Variants in IFRD1 observed in about 807,000 individuals in gnomAD.
The protein encoded by IFRD1 is interferon related developmental regulator 1.
IFRD1 carries 35 observed loss-of-function variants against 52.9 expected under a neutral mutation model. The observed-to-expected ratio is 0.66, with a 90% CI of 0.51 to 0.88. IFRD1 has a LOEUF of 0.88. Among genes scored for constraint, IFRD1 ranks in the 40% least tolerant of loss-of-function variants. The probability of loss-of-function intolerance (pLI) is 0.00; values close to 1 mark genes in which losing one functional copy is unlikely to be tolerated. For missense variants in IFRD1, 517 were observed against 550.8 expected, an observed-to-expected ratio of 0.94 and a Z score of 0.61; for synonymous variants, 184 against 188.4, an observed-to-expected ratio of 0.98 and a Z score of 0.19.
upstream of IFRD1, among the ~76,000 whole-genome samples, chr7:112,449,826 T>G (rs1428740167): frequency 3.3e-5 from 4 of 120,306 alleles, no homozygotes; most frequent in East Asian, 2.4e-4. Context: ...TCCCTTTTTT[T>G]GGGGGGGGGG....
chr7:112,438,818 T>TCACC (rs1035106213), intron 1 of IFRD1, among the ~76,000 whole-genome samples: 7 of 152,186 alleles, frequency 4.6e-5, no homozygotes, highest in Non-Finnish European at 8.8e-5. Context: ...GTACCATTAC[T>TCACC]CACCCATCAT....
intron 1 of IFRD1, among the ~76,000 whole-genome samples, chr7:112,435,239 C>T (rs935165476): frequency 2.6e-5 from 4 of 152,192 alleles, no homozygotes; most frequent in African/African-American, 4.8e-5. Flanking sequence ...AAACCACCCG[C>T]GGACAGAACC....
intron 1 of IFRD1, among the ~76,000 whole-genome samples, chr7:112,453,333 G>A (rs1300062119): frequency 6.6e-6 from 1 of 152,124 alleles, no homozygotes; most frequent in Non-Finnish European, 1.5e-5. Context: ...CTAGAAATAA[G>A]TACTTTATGT....
chr7:112,435,621 G>GGGGTGT (rs1554503431), intron 1 of IFRD1: 27 of 108,928 alleles, frequency 2.5e-4, no homozygotes, highest in African/African-American at 8.4e-4. Flanking sequence ...ATCTGCTACA[G>GGGGTGT]GTGTGTGTGT....
At chr7:112,462,240 T>G (rs1232199558) in intron 7 of IFRD1, 30 bp from the exon 8 acceptor site, 5 of 1,608,238 alleles carry the variant, frequency 3.1e-6, no homozygotes, top group Non-Finnish European at 3.4e-6. Context: ...ATTGGTTGTA[T>G]TCACATAGTA....
intron 1 of IFRD1, among the ~76,000 whole-genome samples, chr7:112,454,467 A>T: frequency 6.6e-6 from 1 of 152,214 alleles, no homozygotes; most frequent in East Asian, 1.9e-4. Flanking sequence ...TGCTGGGATT[A>T]TAAGTGTGAG....
intron 5 of IFRD1, among the ~76,000 whole-genome samples, chr7:112,461,077 C>T (rs887789515): frequency 6.6e-6 from 1 of 152,108 alleles, no homozygotes; most frequent in Non-Finnish European, 1.5e-5. Flanking sequence ...TTTTGTTTAG[C>T]CCTTCCCCTC....
At chr7:112,436,697 C>T (rs1794702358) in intron 1 of IFRD1, among the ~76,000 whole-genome samples, 1 of 151,856 alleles carries the variant, frequency 6.6e-6, no homozygotes, top group Non-Finnish European at 1.5e-5. Flanking sequence ...TGAAATCAGG[C>T]AATGCAAATA....
Position 112,468,093 on chromosome 7 carries a change from GAGATGTCCTGAGGGC to G in IFRD1, c.1022_1036del (p.Asp341_Ala345del). 1 of 1,614,060 alleles carries G rather than the reference GAGATGTCCTGAGGGC, an allele frequency of 6.2e-7. No individual in the cohort carries two copies. Among genetic ancestry groups the G allele is most frequent in the Non-Finnish European group, 8.5e-7 (1 of 1,179,958 alleles). On this transcript the variant is annotated inframe_deletion, in exon 9 of 12. Coordinates refer to ENST00000403825, the MANE Select transcript of IFRD1 (RefSeq NM_001550.4). ...AAGAGAAAGCAGCGGTCAGTTTTCA[GAGATGTCCTGAGGGC>G]AGTGGAGGTAGGCTTCTTAAATGCT...
intron 8 of IFRD1, among the ~76,000 whole-genome samples, chr7:112,463,678 C>T (rs1473387972): frequency 6.6e-6 from 1 of 152,000 alleles, no homozygotes; most frequent in Admixed American, 6.6e-5. Flanking sequence ...TCTTACATTC[C>T]TCTACTGGCC....
At chr7:112,440,898 C>T (rs768322990) in intron 1 of IFRD1, among the ~76,000 whole-genome samples, 2 of 152,094 alleles carry the variant, frequency 1.3e-5, no homozygotes, top group African/African-American at 2.4e-5. Flanking sequence ...TACTTTGGGA[C>T]GCCAAGGTGG....
At position 112,450,779 on chromosome 7, in the gene IFRD1, G is replaced by A. The variant is rs773558311; in HGVS notation, c.91G>A (p.Ala31Thr). The change falls in exon 1 of 12, where the codon GCA (alanine) becomes ACA (threonine). Residue 31 changes from alanine to threonine, a missense_variant. By Grantham distance (58) the Ala-to-Thr change is moderately conservative. Coordinates refer to ENST00000403825, the MANE Select transcript of IFRD1 (RefSeq NM_001550.4). ...AGCAGCCGCAGCGACGGCGGCGACAGCAGGTAAGGGGTATCCCCGCCGCCG... is the reference window on the plus strand; with the variant it reads ...AGCAGCCGCAGCGACGGCGGCGACAACAGGTAAGGGGTATCCCCGCCGCCG... ...SGAAAATAAT[A>T]GGQHRNVQPF... 2.5e-6 allele frequency: 4 copies of A among 1,610,428 alleles called. No homozygotes were observed. Among genetic ancestry groups the A allele is most frequent in the Admixed American group, 1.7e-5 (1 of 60,008 alleles).
At chr7:112,473,655 C>A (rs1185418618) in intron 11 of IFRD1, among the ~76,000 whole-genome samples, 6 of 152,236 alleles carry the variant, frequency 3.9e-5, no homozygotes, top group Admixed American at 3.9e-4. Flanking sequence ...GAACTCCTGA[C>A]CTCAGGTGAT....
chr7:112,474,075 C>T (rs1795831076), intron 11 of IFRD1, among the ~76,000 whole-genome samples: 1 of 152,108 alleles, frequency 6.6e-6, no homozygotes, highest in Non-Finnish European at 1.5e-5. Flanking sequence ...ATTCAGAGAG[C>T]TTTATTCTTT....
Position 112,468,053 on chromosome 7 carries a change from C to G in IFRD1, c.979C>G (p.Arg327Gly). 6.2e-7 allele frequency: 1 copy of G among 1,613,900 alleles called. No homozygotes were observed. The highest frequency in any genetic ancestry group is 8.5e-7 in the Non-Finnish European group (1 of 1,179,906). The change falls in exon 9 of 12, where the codon CGG (arginine) becomes GGG (glycine). Residue 327 changes from arginine (R) to glycine (G), a missense_variant. Arg to Gly is a moderately radical substitution (Grantham distance 125). Coordinates refer to ENST00000403825, the MANE Select transcript of IFRD1 (RefSeq NM_001550.4). ...RALATDGNKH[R>G]AKVDKRKQRS... Reference sequence around the variant, plus strand: ...CTTGGCAACAGATGGAAATAAACACCGGGCCAAAGTGGACAAGAGAAAGCA... The same window carrying G: ...CTTGGCAACAGATGGAAATAAACACGGGGCCAAAGTGGACAAGAGAAAGCA...
chr7:112,423,524 TAA>T (rs1205700123), intron 1 of IFRD1: 2 of 152,214 alleles, frequency 1.3e-5, no homozygotes, highest in African/African-American at 2.4e-5. Context: ...TCTTTTGAGT[TAA>T]GAGTCCATGC....
At chr7:112,446,898 A>C (rs1232889277), upstream of IFRD1, among the ~76,000 whole-genome samples, 3 of 152,104 alleles carry the variant, frequency 2.0e-5, no homozygotes, top group Non-Finnish European at 4.4e-5. Flanking sequence ...ACCTGCTAAG[A>C]GTTTGATATG....
chr7:112,439,692 G>A (rs1164072583), intron 1 of IFRD1, among the ~76,000 whole-genome samples: 2 of 152,050 alleles, frequency 1.3e-5, no homozygotes, highest in African/African-American at 4.8e-5. Context: ...ATTTCTCTTG[G>A]GAAGGAGAAA....
chr7:112,470,157 C>T (rs898693471), intron 9 of IFRD1, among the ~76,000 whole-genome samples: 56 of 152,064 alleles, frequency 3.7e-4, no homozygotes, highest in African/African-American at 1.3e-3. Context: ...AGGTGTTTTG[C>T]CATACAGTTT....
Sources: gnomAD v4.1 joint callset for allele counts (sites outside exome capture counted in the v4.1 genomes callset) on GRCh38, gnomAD v4.1.1 for gene constraint, MANE v1.5 for transcripts, NCBI Gene and HGNC (gene_info 2026-07-23, HGNC 2026-07-21) for gene names.